Variants in PTPRN2 observed in about 807,000 individuals in gnomAD.
The protein encoded by PTPRN2 is protein tyrosine phosphatase receptor type N2.
A neutral mutation model predicts 118.8 loss-of-function variants in PTPRN2; 74 were observed. The ratio of observed to expected loss-of-function variants is 0.62; its 90% confidence interval spans 0.52 to 0.76. The LOEUF (loss-of-function observed/expected upper bound fraction) is 0.76. PTPRN2 is among the 30% of genes least tolerant of loss of function. The pLI, the probability that PTPRN2 is intolerant of heterozygous loss-of-function variation, is 0.00. For missense variants in PTPRN2, 1,481 were observed against 1,394.4 expected (o/e 1.06, Z -0.99); for synonymous variants, 641 against 608.0 (o/e 1.05, Z -0.80).
At chr7:158,124,198 C>T (rs1817424513) in intron 9 of PTPRN2, among the ~76,000 whole-genome samples, 1 of 152,232 alleles carries the variant, frequency 6.6e-6, no homozygotes, top group Non-Finnish European at 1.5e-5. Context: ...GCCCTAAAGG[C>T]ACAAGTTACA....
intron 12 of PTPRN2, among the ~76,000 whole-genome samples, chr7:157,786,452 C>T (rs1009781265): frequency 1.3e-5 from 2 of 152,242 alleles, no homozygotes; most frequent in Non-Finnish European, 2.9e-5. Flanking sequence ...ATCTTCGTCC[C>T]ATTCACAAAG....
At chr7:158,168,265 A>G (rs913976343) in intron 5 of PTPRN2, among the ~76,000 whole-genome samples, 3 of 152,170 alleles carry the variant, frequency 2.0e-5, no homozygotes, top group Admixed American at 6.5e-5. Context: ...GGAGCCTCCA[A>G]CTCAGCTTTA....
At chr7:158,167,382 T>C in intron 5 of PTPRN2, 91 bp from the exon 6 acceptor site, 2 of 1,474,196 alleles carry the variant, frequency 1.4e-6, no homozygotes, top group Non-Finnish European at 1.8e-6. Context: ...GTTTTCAAGG[T>C]CCTAAACAGC....
intron 11 of PTPRN2, among the ~76,000 whole-genome samples, chr7:158,040,077 G>A (rs7457298): frequency 0.17 from 9,790 of 57,422 alleles, 865 homozygotes; most frequent in African/African-American, 0.42. Context: ...GAGAGAGAGA[G>A]AAAAAAAAAG....
chr7:158,286,007 A>G (rs1310368264), intron 3 of PTPRN2, among the ~76,000 whole-genome samples: 1 of 152,222 alleles, frequency 6.6e-6, no homozygotes, highest in African/African-American at 2.4e-5. Flanking sequence ...AGGGCAGACC[A>G]CGAGAATGAA....
At chr7:158,556,848 G>A (rs1468178773) in intron 1 of PTPRN2, among the ~76,000 whole-genome samples, 1 of 147,854 alleles carries the variant, frequency 6.8e-6, no homozygotes. Context: ...TCCCGCGCAG[G>A]TCAGACAGCT....
At chr7:157,626,797 T>C (rs2150658152) in intron 14 of PTPRN2, among the ~76,000 whole-genome samples, 1 of 152,370 alleles carries the variant, frequency 6.6e-6, no homozygotes, top group Middle Eastern at 3.4e-3. Context: ...ATTTTGATGA[T>C]GGGCATCCAA....
rs183245427 is a variant in PTPRN2 at position 157,621,405 on chromosome 7, C to T, written c.2301G>A (p.Arg767=). The change falls in exon 15 of 23, where the codon AGG becomes AGA. Residue 767 remains arginine, a synonymous_variant. Coordinates refer to ENST00000389418, the MANE Select transcript of PTPRN2 (RefSeq NM_002847.5). ...AEPNSSFVAQ[R]EENVPKNRSL... ...AGCGGTTCTTGGGCACGTTCTCCTC[C>T]CTCTGGGCCACGAACGAGCTGTTGG... The T allele has an allele frequency of 2.2e-4, 351 of 1,604,268 alleles. 6 individuals carry two copies. The East Asian group carries it at 7.3e-3, about 33-fold the overall frequency.
chr7:158,187,986 G>A (rs1377606623), intron 5 of PTPRN2, among the ~76,000 whole-genome samples: 2 of 152,188 alleles, frequency 1.3e-5, no homozygotes, highest in Non-Finnish European at 2.9e-5. Context: ...TTCTTGAAAT[G>A]GAGAGCAGGC....
intron 2 of PTPRN2, among the ~76,000 whole-genome samples, chr7:158,334,565 C>T (rs1247206077): frequency 1.6e-4 from 16 of 96,984 alleles, no homozygotes; most frequent in African/African-American, 5.6e-4. Flanking sequence ...ACCATAAGAG[C>T]TCTCGCCCAC....
chr7:157,667,639 A>T (rs1234632239), intron 13 of PTPRN2, among the ~76,000 whole-genome samples: 2 of 152,220 alleles, frequency 1.3e-5, no homozygotes, highest in Non-Finnish European at 2.9e-5. Context: ...AAACTAGAGT[A>T]ACTAGGCATT....
chr7:158,389,592 A>G (rs1213144801), intron 2 of PTPRN2, among the ~76,000 whole-genome samples: 1 of 152,262 alleles, frequency 6.6e-6, no homozygotes, highest in East Asian at 1.9e-4. Context: ...GGGATCTGCG[A>G]AAGATCAATA....
chr7:157,769,644 AAC>A (rs945205489), intron 12 of PTPRN2, among the ~76,000 whole-genome samples: 1 of 152,084 alleles, frequency 6.6e-6, no homozygotes, highest in Admixed American at 6.5e-5. Flanking sequence ...TCCTGCATAA[AAC>A]ACACCCACAC....
rs1257530434 is a variant in PTPRN2 at position 157,974,233 on chromosome 7, G to A, written c.1724-75496C>T. On this transcript the variant is annotated intron_variant, in intron 11 of 22. Coordinates refer to ENST00000389418, the MANE Select transcript of PTPRN2 (RefSeq NM_002847.5). The surrounding 1 kb of genome is among the most constrained non-coding windows in gnomAD (Gnocchi z 4.0). The stretch of plus-strand genomic sequence containing the variant: ...ATGTGCAGAGTGACCCTGCAGTCAA[G>A]TCTGTTTGCCTCCCACTAGCATTTT... Among the ~76,000 whole-genome samples the A allele has an allele frequency of 6.6e-6, 1 of 152,240 alleles. No homozygotes were observed. The highest frequency in any genetic ancestry group is 2.4e-5 in the African/African-American group (1 of 41,472).
At chr7:158,536,012 A>G (rs1825622283) in intron 1 of PTPRN2, among the ~76,000 whole-genome samples, 1 of 151,060 alleles carries the variant, frequency 6.6e-6, no homozygotes, top group South Asian at 2.1e-4. Flanking sequence ...AGAACCCCAC[A>G]CATAACCACA....
intron 13 of PTPRN2, among the ~76,000 whole-genome samples, chr7:157,672,249 G>A (rs1690569832): frequency 6.6e-6 from 1 of 152,142 alleles, no homozygotes; most frequent in African/African-American, 2.4e-5. Context: ...AGGGGAGCCT[G>A]GAAATCCACC....
At chr7:158,245,048 G>T (rs529433673) in intron 3 of PTPRN2, among the ~76,000 whole-genome samples, 1 of 152,172 alleles carries the variant, frequency 6.6e-6, no homozygotes, top group Non-Finnish European at 1.5e-5. Flanking sequence ...GTGAGGCGGC[G>T]GTGGGCATGA....
At position 157,632,407 on chromosome 7, in the gene PTPRN2, C is replaced by T. The variant is rs1263079322; in HGVS notation, c.2197-10898G>A. Among the ~76,000 whole-genome samples, 1 of 152,176 alleles carries T rather than the reference C, an allele frequency of 6.6e-6. No individual in the cohort carries two copies. The highest frequency in any genetic ancestry group is 1.9e-4 in the East Asian group (1 of 5,206). On this transcript the variant is annotated intron_variant, in intron 14 of 22. Coordinates refer to ENST00000389418, the MANE Select transcript of PTPRN2 (RefSeq NM_002847.5). This position sits in a 1 kb window ranked among gnomAD's most constrained non-coding sequence, Gnocchi z 4.3. ...GATAAAGACTTAACAACAAAAACCC[C>T]AATGGAAGATGTTAATAGTGAACAC...
intron 12 of PTPRN2, among the ~76,000 whole-genome samples, chr7:157,776,828 C>T (rs1313977286): frequency 1.1e-5 from 1 of 87,200 alleles, no homozygotes; most frequent in African/African-American, 4.5e-5. Context: ...CCTCCCTCTC[C>T]TCCCTCTCTT....
Sources: allele counts gnomAD v4.1 joint callset (sites outside exome capture counted in the v4.1 genomes callset), GRCh38; gene constraint gnomAD v4.1.1; non-coding constraint Gnocchi (gnomAD v3.1); transcripts MANE v1.5; gene names NCBI Gene and HGNC (gene_info 2026-07-23, HGNC 2026-07-21).